The following ATRNL1 variants were observed in gnomAD, a reference collection of about 807,000 sequenced individuals.
ATRNL1 encodes attractin-like protein 1.
In ATRNL1, 95 loss-of-function variants were observed where a neutral mutation model predicts 182.7. The observed-to-expected ratio is 0.52, with a 90% confidence interval of 0.44 to 0.62. The LOEUF is 0.62. Ranked by LOEUF, ATRNL1 falls within the 20% of genes least tolerant of loss-of-function variation. The probability of loss-of-function intolerance (pLI) is 0.00; values close to 1 mark genes in which losing one functional copy is unlikely to be tolerated. For synonymous variants in ATRNL1, 576 were observed against 568.3 expected (o/e 1.01, Z -0.19); for missense variants, 1,471 against 1,679.5 (o/e 0.88, Z 2.17).
At chr10:115,461,703 G>A (rs530806468) in intron 21 of ATRNL1, among the ~76,000 whole-genome samples, 2 of 151,918 alleles carry the variant, frequency 1.3e-5, no homozygotes, top group East Asian at 3.9e-4. Flanking sequence ...TTTTAACTTT[G>A]TAATAGCATC....
chr10:115,597,020 T>G (rs1856287534), intron 26 of ATRNL1, among the ~76,000 whole-genome samples: 1 of 152,196 alleles, frequency 6.6e-6, no homozygotes, highest in East Asian at 1.9e-4. Context: ...ATTGTTAATT[T>G]CCTTTGGTAT....
intron 21 of ATRNL1, among the ~76,000 whole-genome samples, chr10:115,453,488 T>G (rs1044050210): frequency 2.0e-5 from 3 of 152,138 alleles, no homozygotes; most frequent in Non-Finnish European, 4.4e-5. Flanking sequence ...TTTCTTTTGT[T>G]GATTGTTGCC....
At chr10:115,919,056 A>C (rs541577430) in intron 28 of ATRNL1, among the ~76,000 whole-genome samples, 1 of 152,334 alleles carries the variant, frequency 6.6e-6, no homozygotes, top group East Asian at 1.9e-4. Context: ...AACTTCGCAG[A>C]CATAACCCCA....
At chr10:115,262,296 G>C (rs1406065535) in intron 10 of ATRNL1, among the ~76,000 whole-genome samples, 3 of 151,616 alleles carry the variant, frequency 2.0e-5, no homozygotes, top group African/African-American at 7.3e-5. Context: ...TGATGCACAA[G>C]TTAGTGGATC....
chr10:115,889,782 C>G (rs375392656), intron 28 of ATRNL1, among the ~76,000 whole-genome samples: 173 of 152,246 alleles, frequency 1.1e-3, no homozygotes, highest in Admixed American at 1.5e-3. Context: ...AGAATGAGCG[C>G]ATATAAGTAA....
chr10:115,382,850 A>T (rs1432762761), intron 19 of ATRNL1, among the ~76,000 whole-genome samples: 7 of 151,930 alleles, frequency 4.6e-5, no homozygotes, highest in Non-Finnish European at 8.8e-5. Flanking sequence ...GTGAGTTTTT[A>T]AAAAAATGCC....
chr10:115,601,582 G>T (rs1485093368), intron 26 of ATRNL1, among the ~76,000 whole-genome samples: 1 of 152,074 alleles, frequency 6.6e-6, no homozygotes, highest in African/African-American at 2.4e-5. Flanking sequence ...TTTAGGATTG[G>T]TATGACTTGT....
chr10:115,337,910 A>G (rs1554937206), intron 19 of ATRNL1, among the ~76,000 whole-genome samples: 1 of 151,782 alleles, frequency 6.6e-6, no homozygotes, highest in Non-Finnish European at 1.5e-5. Context: ...ACCTCAGATC[A>G]TCAGGCATTA....
chr10:115,786,735 C>T (rs1949405806), intron 27 of ATRNL1, among the ~76,000 whole-genome samples: 1 of 152,196 alleles, frequency 6.6e-6, no homozygotes. Context: ...TTACAGACCT[C>T]TAATTCTTCC....
intron 26 of ATRNL1, among the ~76,000 whole-genome samples, chr10:115,672,100 A>G (rs1268923158): frequency 2.6e-5 from 4 of 152,154 alleles, no homozygotes; most frequent in African/African-American, 9.6e-5. Flanking sequence ...ATAATTGTAT[A>G]TAACACATTG....
intron 26 of ATRNL1, among the ~76,000 whole-genome samples, chr10:115,642,459 T>C (rs1592995520): frequency 6.6e-6 from 1 of 152,178 alleles, no homozygotes; most frequent in East Asian, 1.9e-4. Context: ...TTCTTTTTTT[T>C]TGAGATGGAG....
At chr10:115,912,494 A>G (rs1952713908) in intron 28 of ATRNL1, among the ~76,000 whole-genome samples, 2 of 152,012 alleles carry the variant, frequency 1.3e-5, no homozygotes, top group Non-Finnish European at 2.9e-5. Flanking sequence ...GAACAGTGTG[A>G]TAGGTCTTTC....
At chr10:115,856,421 T>A (rs1275397228) in intron 28 of ATRNL1, among the ~76,000 whole-genome samples, 7 of 2,846 alleles carry the variant, frequency 2.5e-3, no homozygotes, top group Non-Finnish European at 0.011. Context: ...AGAGCGAAGC[T>A]CCATCTCAAA....
chr10:115,533,244 G>A, intron 25 of ATRNL1, among the ~76,000 whole-genome samples: 1 of 151,746 alleles, frequency 6.6e-6, no homozygotes, highest in East Asian at 1.9e-4. Context: ...GACTCTTTTT[G>A]GTTGGTAAGC....
At chr10:115,212,812 A>G (rs1416645009) in intron 8 of ATRNL1, among the ~76,000 whole-genome samples, 3 of 152,068 alleles carry the variant, frequency 2.0e-5, no homozygotes, top group African/African-American at 7.2e-5. Flanking sequence ...ACACATGGAC[A>G]CATAGAGGGA....
chr10:115,753,001 AT>A (rs1555070992), intron 27 of ATRNL1, among the ~76,000 whole-genome samples: 1 of 152,046 alleles, frequency 6.6e-6, no homozygotes, highest in African/African-American at 2.4e-5. Flanking sequence ...CTACCATGTA[AT>A]AGTGGCATGA....
At chr10:115,889,370 CT>C (rs1424308931) in intron 28 of ATRNL1, among the ~76,000 whole-genome samples, 1 of 130,532 alleles carries the variant, frequency 7.7e-6, no homozygotes, top group Non-Finnish European at 1.6e-5. Flanking sequence ...CAGAGTCTTG[CT>C]CTGTCACCCA....
At chr10:115,894,633 A>G (rs1952162071) in intron 28 of ATRNL1, among the ~76,000 whole-genome samples, 1 of 152,220 alleles carries the variant, frequency 6.6e-6, no homozygotes, top group South Asian at 2.1e-4. Context: ...TTATGAAAGA[A>G]ATTTTTATCA....
At chr10:115,705,739 A>G (rs1258086031) in intron 26 of ATRNL1, among the ~76,000 whole-genome samples, 5 of 151,982 alleles carry the variant, frequency 3.3e-5, no homozygotes, top group Admixed American at 6.6e-5. Flanking sequence ...AGATTTGTAG[A>G]GTAAAATGCT....
Sources: allele counts gnomAD v4.1 joint callset (sites outside exome capture counted in the v4.1 genomes callset), GRCh38; gene constraint gnomAD v4.1.1; transcripts MANE v1.5; gene names NCBI Gene and HGNC (gene_info 2026-07-23, HGNC 2026-07-21).